DENND5B: variants seen among roughly 807,000 people sequenced by gnomAD.
DENND5B encodes the protein DENN domain-containing protein 5B.
A neutral mutation model predicts 140.6 loss-of-function variants in DENND5B; 34 were observed. The ratio of observed to expected loss-of-function variants is 0.24; its 90% CI spans 0.18 to 0.32. The LOEUF (loss-of-function observed/expected upper bound fraction) is 0.32, where lower values mean the gene tolerates loss of function less well. Ranked by LOEUF, DENND5B falls within the 10% of genes least tolerant of loss-of-function variation. The pLI is 1.00. For missense variants in DENND5B, 1,142 were observed against 1,560.2 expected (o/e 0.73, Z 4.52); for synonymous variants, 551 against 562.1 (o/e 0.98, Z 0.28).
At chr12:31,535,388 A>C (rs991269342) in intron 1 of DENND5B, 1 of 158,862 alleles carries the variant, frequency 6.3e-6, no homozygotes, top group Non-Finnish European at 1.4e-5. Context: ...GTGAATTAGC[A>C]CAGAGAAAGA....
intron 3 of DENND5B, among the ~76,000 whole-genome samples, chr12:31,466,113 G>C (rs1945251858): frequency 6.6e-6 from 1 of 152,160 alleles, no homozygotes; most frequent in South Asian, 2.1e-4. Flanking sequence ...TAAGCACTTT[G>C]GGAGGCCAAG....
chr12:31,519,570 C>A (rs985900021), intron 1 of DENND5B, among the ~76,000 whole-genome samples: 1 of 152,122 alleles, frequency 6.6e-6, no homozygotes, highest in Non-Finnish European at 1.5e-5. Flanking sequence ...GTAACTTTCA[C>A]AAGTACTCAC....
rs4930979 is a variant in DENND5B at position 31,495,892 on chromosome 12, C to T, written c.155G>A (p.Arg52Lys). 646,542 of 1,608,182 alleles carry T rather than the reference C, an allele frequency of 0.4. 136,593 individuals carry two copies. Among genetic ancestry groups the T allele is most frequent in the Admixed American group, 0.62 (36,947 of 59,446 alleles). The change falls in exon 2 of 21, where the codon AGA becomes AAA. Residue 52 changes from arginine (R) to lysine (K), a missense_variant. This residue lies in a region of DENND5B where 708 missense variants were observed against 905.5 expected (regional missense o/e 0.78). Coordinates refer to ENST00000389082, the MANE Select transcript of DENND5B (RefSeq NM_144973.4). ...AGENFDQSPL[R>K]RTFKSKVLAH... ...GAGAACTTTGGATTTGAATGTTCTT[C>T]TCAAAGGACTCTGGTCAAAATTTTC...
At position 31,387,730 on chromosome 12, in the gene DENND5B, C is replaced by G. The variant is rs772515330; in HGVS notation, c.3698G>C (p.Arg1233Pro). The G allele has an allele frequency of 1.2e-6, 2 of 1,613,994 alleles. No homozygotes were observed. Among genetic ancestry groups the G allele is most frequent in the Non-Finnish European group, 1.7e-6 (2 of 1,179,898 alleles). ...CAGGAGAGCGCTCTCTTCATACATT[C>G]GAGTGATGGCAGGACACTCAGCTAA... is the stretch of plus-strand genomic sequence containing the variant. ...PLLAECPAITRMYEESALLRD... is the reference protein window; with the variant it reads ...PLLAECPAITPMYEESALLRD... Residue 1233 changes from arginine (R) to proline (P), a missense_variant, in exon 21 of 21, where the codon CGA becomes CCA. Around this residue, in one of 5 missense-constraint regions of DENND5B, gnomAD observed 125 missense variants for 179.0 expected, o/e 0.70. Coordinates refer to ENST00000389082, the MANE Select transcript of DENND5B (RefSeq NM_144973.4).
intron 3 of DENND5B, among the ~76,000 whole-genome samples, chr12:31,476,277 T>C (rs1322113705): frequency 2.6e-5 from 4 of 151,586 alleles, no homozygotes; most frequent in Non-Finnish European, 5.9e-5. Flanking sequence ...GACTGTATCA[T>C]TTAAAAAGGT....
chr12:31,553,344 T>C (rs1044635918), intron 1 of DENND5B, among the ~76,000 whole-genome samples: 9 of 152,216 alleles, frequency 5.9e-5, no homozygotes, highest in African/African-American at 1.9e-4. Context: ...CAGGAGCAGG[T>C]TGTTCAGTTT....
intron 17 of DENND5B, among the ~76,000 whole-genome samples, chr12:31,395,760 C>A (rs1213759613): frequency 6.6e-6 from 1 of 151,954 alleles, no homozygotes; most frequent in Non-Finnish European, 1.5e-5. Flanking sequence ...TGGTTATAAT[C>A]TATAGATAAA....
At chr12:31,418,321 G>A (rs377217107) in intron 11 of DENND5B, among the ~76,000 whole-genome samples, 1 of 128,138 alleles carries the variant, frequency 7.8e-6, no homozygotes, top group South Asian at 2.4e-4. Context: ...CACTCTTGTC[G>A]CCCAGGCTGG....
intron 1 of DENND5B, among the ~76,000 whole-genome samples, chr12:31,551,857 T>C (rs1489624408): frequency 6.6e-6 from 1 of 152,236 alleles, no homozygotes; most frequent in African/African-American, 2.4e-5. Flanking sequence ...ATGATTTGGC[T>C]TTCTGTTTGT....
At chr12:31,559,209 T>A (rs530629269) in intron 1 of DENND5B, among the ~76,000 whole-genome samples, 4 of 152,202 alleles carry the variant, frequency 2.6e-5, no homozygotes, top group Non-Finnish European at 4.4e-5. Context: ...GAGGAAACGA[T>A]GAACTCATGG....
chr12:31,417,893 T>C (rs1336725084), intron 11 of DENND5B, among the ~76,000 whole-genome samples: 1 of 152,132 alleles, frequency 6.6e-6, no homozygotes, highest in African/African-American at 2.4e-5. Context: ...TTTTCTCAGG[T>C]TTTAGATTCA....
intron 1 of DENND5B, among the ~76,000 whole-genome samples, chr12:31,561,431 C>G (rs915629006): frequency 2.6e-5 from 4 of 152,184 alleles, no homozygotes; most frequent in African/African-American, 9.7e-5. Context: ...CAAGAACAGT[C>G]TGGGCAACAT....
At chr12:31,408,718 CAG>C (rs1942275835) in intron 14 of DENND5B, among the ~76,000 whole-genome samples, 1 of 150,568 alleles carries the variant, frequency 6.6e-6, no homozygotes, top group African/African-American at 2.4e-5. Context: ...TATTAACACA[CAG>C]ATACTTTGAT....
intron 3 of DENND5B, among the ~76,000 whole-genome samples, chr12:31,476,061 G>A (rs1945792475): frequency 6.6e-6 from 1 of 151,982 alleles, no homozygotes; most frequent in South Asian, 2.1e-4. Context: ...AGGAGGTGGA[G>A]GTTGCAATAT....
intron 1 of DENND5B, among the ~76,000 whole-genome samples, chr12:31,585,923 T>C (rs979340001): frequency 6.6e-6 from 1 of 152,222 alleles, no homozygotes; most frequent in Non-Finnish European, 1.5e-5. Context: ...GGGAACACTT[T>C]AAGAATATTC....
chr12:31,472,581 G>T (rs530279189), intron 3 of DENND5B, among the ~76,000 whole-genome samples: 1 of 152,054 alleles, frequency 6.6e-6, no homozygotes, highest in Non-Finnish European at 1.5e-5. Flanking sequence ...CATGAGCCAC[G>T]GCACCCAGCC....
At chr12:31,394,881 G>GA (rs1941351470) in intron 17 of DENND5B, among the ~76,000 whole-genome samples, 1 of 151,872 alleles carries the variant, frequency 6.6e-6, no homozygotes, top group South Asian at 2.1e-4. Context: ...CCAAAGTGCT[G>GA]TATTACAGGC....
At chr12:31,543,382 AC>A (rs1424923643) in intron 1 of DENND5B, among the ~76,000 whole-genome samples, 3 of 152,196 alleles carry the variant, frequency 2.0e-5, no homozygotes, top group Non-Finnish European at 4.4e-5. Flanking sequence ...CTAAGATCTG[AC>A]TTTTTATAAA....
chr12:31,468,335 C>T (rs999760960), intron 3 of DENND5B, among the ~76,000 whole-genome samples: 4 of 151,860 alleles, frequency 2.6e-5, no homozygotes, highest in African/African-American at 9.7e-5. Context: ...ATGTAGCTAA[C>T]ACAGGACTCA....
Sources: allele counts gnomAD v4.1 joint callset (sites outside exome capture counted in the v4.1 genomes callset), GRCh38; gene constraint gnomAD v4.1.1; regional missense constraint gnomAD v4.1.1; transcripts MANE v1.5; gene names NCBI Gene and HGNC (gene_info 2026-07-23, HGNC 2026-07-21).